ALLC: variants seen among roughly 807,000 people sequenced by gnomAD.
The protein encoded by ALLC is allantoicase, also known as probable inactive allantoicase.
ALLC carries 40 observed loss-of-function variants against 45.0 expected under a neutral mutation model. The ratio of observed to expected loss-of-function variants is 0.89; its 90% CI spans 0.69 to 1.16. The LOEUF (loss-of-function observed/expected upper bound fraction) is 1.16. ALLC is among the 50% of genes most tolerant of loss of function. The pLI is 0.00. For synonymous variants in ALLC, 176 were observed against 178.1 expected (o/e 0.99, Z 0.09); for missense variants, 488 against 493.1 (o/e 0.99, Z 0.10).
intron 7 of ALLC, among the ~76,000 whole-genome samples, chr2:3,685,369 C>T (rs1316525018): frequency 6.6e-6 from 1 of 150,660 alleles, no homozygotes; most frequent in African/African-American, 2.4e-5. Flanking sequence ...CCTCAGGAAA[C>T]TTACAATCAT....
rs189195813 is a variant in ALLC at position 3,669,433 on chromosome 2, C to T, written c.-62-1663C>T. On this transcript the variant is annotated intron_variant, in intron 1 of 11. Transcript: ENST00000252505. ...CGGTTGCAGTGAGCTGAGATCATGC[C>T]GCTGCACTCCAGCCTGGGTAACAGA... Among the ~76,000 whole-genome samples, 463 of 152,106 alleles carry T rather than the reference C, an allele frequency of 3.0e-3. 1 individual carries two copies. The highest frequency in any genetic ancestry group is 0.011 in the African/African-American group (438 of 41,460).
At chr2:3,682,586 C>T (rs937845413) in intron 6 of ALLC, among the ~76,000 whole-genome samples, 10 of 152,262 alleles carry the variant, frequency 6.6e-5, no homozygotes, top group East Asian at 5.8e-4. Flanking sequence ...AGTGCAGGGG[C>T]GCGATCTCGG....
chr2:3,661,332 C>T (rs781023787), intron 1 of ALLC, among the ~76,000 whole-genome samples: 3 of 152,192 alleles, frequency 2.0e-5, no homozygotes, highest in Non-Finnish European at 4.4e-5. Flanking sequence ...CCTCAATGCA[C>T]GCAAGCATTT....
intron 1 of ALLC, among the ~76,000 whole-genome samples, chr2:3,666,520 A>G (rs1666729236): frequency 6.6e-6 from 1 of 151,536 alleles, no homozygotes; most frequent in Non-Finnish European, 1.5e-5. Context: ...CTGCAGCCTC[A>G]GCATCTACAC....
At chr2:3,652,318 C>G in the ALLC span, among the ~76,000 whole-genome samples, 1 of 152,228 alleles carries the variant, frequency 6.6e-6, no homozygotes, top group African/African-American at 2.4e-5. Context: ...CTGTCTGGTA[C>G]CTAGAGCTCG....
intron 8 of ALLC, 73 bp from the exon 9 acceptor site, chr2:3,696,202 T>A: frequency 5.8e-6 from 7 of 1,209,782 alleles, no homozygotes; most frequent in Non-Finnish European, 8.3e-6. Flanking sequence ...ATCTGTAATT[T>A]AATTACAGCA....
chr2:3,682,523 T>G (rs1215693383), intron 6 of ALLC, among the ~76,000 whole-genome samples: 2 of 152,190 alleles, frequency 1.3e-5, no homozygotes. Context: ...CATTATTTAT[T>G]TATTTGTTTG....
intron 1 of ALLC, among the ~76,000 whole-genome samples, chr2:3,665,334 T>A (rs1175849770): frequency 6.6e-6 from 1 of 152,182 alleles, no homozygotes; most frequent in African/African-American, 2.4e-5. Context: ...TTTTAAGTTC[T>A]GGGATACATG....
intron 11 of ALLC, among the ~76,000 whole-genome samples, 161 bp from the exon 12 acceptor site, chr2:3,702,202 A>T (rs914297670): frequency 1.6e-4 from 24 of 152,220 alleles, no homozygotes; most frequent in African/African-American, 5.3e-4. Flanking sequence ...TCCTATCCCT[A>T]CTAGCAGATT....
At chr2:3,667,069 A>G (rs1666743917) in intron 1 of ALLC, among the ~76,000 whole-genome samples, 1 of 152,170 alleles carries the variant, frequency 6.6e-6, no homozygotes, top group South Asian at 2.1e-4. Flanking sequence ...AGGCACCATC[A>G]GCTCCTGTGG....
intron 1 of ALLC, among the ~76,000 whole-genome samples, chr2:3,669,300 C>T (rs898529532): frequency 1.8e-4 from 28 of 152,234 alleles, no homozygotes; most frequent in African/African-American, 5.8e-4. Flanking sequence ...GGTAAAACCC[C>T]GTCTCTACTA....
At position 3,684,234 on chromosome 2, in the gene ALLC, C is replaced by G. The variant is rs531311302; in HGVS notation, c.511+1160C>G. On this transcript the variant is annotated intron_variant, in intron 7 of 11. Coordinates refer to ENST00000252505, the MANE Select transcript of ALLC (RefSeq NM_018436.4). Reference sequence around the variant, plus strand: ...CACGTAAAGGAGTGCTGATTTCTCCCTGCCTTTCCCAGCACTCTCTGTCTT... The same window carrying G: ...CACGTAAAGGAGTGCTGATTTCTCCGTGCCTTTCCCAGCACTCTCTGTCTT... Among the ~76,000 whole-genome samples the G allele has an allele frequency of 2.2e-4, 34 of 152,216 alleles. No individual in the cohort carries two copies. In the South Asian group the frequency reaches 4.6e-3, roughly 20 times the overall value.
At chr2:3,671,297 AGT>A in intron 2 of ALLC, 107 bp downstream of exon 2, 1 of 1,319,162 alleles carries the variant, frequency 7.6e-7, no homozygotes, top group Non-Finnish European at 1.1e-6. Flanking sequence ...ATCAGGCTGA[AGT>A]GTTGGCCTGC....
At position 3,664,113 on chromosome 2, in the gene ALLC, GGTCT is replaced by G. The variant is rs368839843; in HGVS notation, c.-63+5824_-63+5827del. Among the ~76,000 whole-genome samples, 15 of 152,320 alleles carry G rather than the reference GGTCT, an allele frequency of 9.8e-5. No individual in the cohort carries two copies. In the East Asian group the frequency reaches 2.9e-3, roughly 29 times the overall value. On this transcript the variant is annotated intron_variant, in intron 1 of 11. Coordinates refer to ENST00000252505, the MANE Select transcript of ALLC (RefSeq NM_018436.4). ...TGGTGGGACATCTCTCTTAGTTAAA[GGTCT>G]GTCTTTTTTGCCTAAAGACAAAGTA...
chr2:3,671,683 G>A (rs1441481503), intron 2 of ALLC, among the ~76,000 whole-genome samples: 1 of 151,064 alleles, frequency 6.6e-6, no homozygotes, highest in Non-Finnish European at 1.5e-5. Flanking sequence ...ATTTAGATCC[G>A]AGGTCCTCTG....
chr2:3,695,878 A>G lies in ALLC; in HGVS notation c.667+6A>G. On this transcript the variant is annotated splice_donor_region_variant and intron_variant, in intron 8 of 11. Transcript: ENST00000252505. ...GCACCCAAACAATATAATAGGTAAG[A>G]TGATATTCTTGGAGCTGGCTTATTT... is the stretch of plus-strand genomic sequence containing the variant. 1 of 1,598,722 alleles carries G rather than the reference A, an allele frequency of 6.3e-7. No homozygotes were observed. The highest frequency in any genetic ancestry group is 1.7e-4 in the Middle Eastern group (1 of 5,958).
At chr2:3,681,755 T>G (rs969001139) in intron 6 of ALLC, 42 bp downstream of exon 6, 10 of 1,499,076 alleles carry the variant, frequency 6.7e-6, no homozygotes, top group African/African-American at 1.4e-5. Context: ...CACCAATTAT[T>G]AGGAGAGTAG....
rs1479932817 is a variant in ALLC, at chr2:3,702,452, C to A, written c.1065C>A (p.Asp355Glu). 6 of 1,612,694 alleles carry A rather than the reference C, an allele frequency of 3.7e-6. No homozygotes were observed. The highest frequency in any genetic ancestry group is 1.1e-5 in the South Asian group (1 of 91,026). Residue 355 changes from aspartate (D) to glutamate (E), a missense_variant, in exon 12 of 12, where the codon GAC (aspartate) becomes GAA (glutamate). Physicochemically the swap from Asp to Glu is conservative, Grantham distance 45. Coordinates refer to ENST00000252505, the MANE Select transcript of ALLC (RefSeq NM_018436.4). Reference sequence around the variant, plus strand: ...ACGCCAGGCTCACCATCGTCCCCGACGGGGGAGTGAGCCGCCTTCGGCTCC... The same window carrying A: ...ACGCCAGGCTCACCATCGTCCCCGAAGGGGGAGTGAGCCGCCTTCGGCTCC... Reference protein sequence around the residue: ...ITHARLTIVPDGGVSRLRLRG... With the variant: ...ITHARLTIVPEGGVSRLRLRG...
At chr2:3,657,110 A>AT (rs1666461008), upstream of ALLC, among the ~76,000 whole-genome samples, 2 of 152,166 alleles carry the variant, frequency 1.3e-5, no homozygotes, top group African/African-American at 4.8e-5. Context: ...TTCTTAAAGA[A>AT]TTTCATCTGG....
Sources: allele counts gnomAD v4.1 joint callset (sites outside exome capture counted in the v4.1 genomes callset), GRCh38; gene constraint gnomAD v4.1.1; transcripts MANE v1.5; gene names NCBI Gene and HGNC (gene_info 2026-07-23, HGNC 2026-07-21).